The following DNAJC6 variants were observed in gnomAD, a reference collection of about 807,000 sequenced individuals.
The protein encoded by DNAJC6 is DnaJ heat shock protein family (Hsp40) member C6.
DNAJC6 carries 34 observed loss-of-function variants against 110.0 expected under a neutral mutation model. The observed-to-expected ratio is 0.31, with a 90% confidence interval of 0.24 to 0.41. The LOEUF (loss-of-function observed/expected upper bound fraction) is 0.41, where lower values mean the gene tolerates loss of function less well. DNAJC6 is among the 10% of genes least tolerant of loss of function. The pLI is 1.00. For missense variants in DNAJC6, 1,031 were observed against 1,207.8 expected (o/e 0.85, Z 2.17); for synonymous variants, 406 against 437.2 (o/e 0.93, Z 0.89).
chr1:65,378,489 T>C (rs1209437229), intron 4 of DNAJC6, among the ~76,000 whole-genome samples: 1 of 152,218 alleles, frequency 6.6e-6, no homozygotes, highest in African/African-American at 2.4e-5. Context: ...TAGTATCCTG[T>C]GAGTTATGTA....
intron 1 of DNAJC6, among the ~76,000 whole-genome samples, chr1:65,276,381 TG>T (rs1428574238): frequency 6.6e-6 from 1 of 152,228 alleles, no homozygotes; most frequent in East Asian, 1.9e-4. Flanking sequence ...TCCAGTATTG[TG>T]TATGAAGATG....
rs1645081997 is a variant in DNAJC6 at position 65,309,916 on chromosome 1, C to A, written c.171C>A (p.Arg57=). 1 of 1,530,188 alleles carries A rather than the reference C, an allele frequency of 6.5e-7. No homozygotes were observed. Among genetic ancestry groups the A allele is most frequent in the Non-Finnish European group, 8.8e-7 (1 of 1,136,844 alleles). 94.8% of individuals were successfully genotyped at this position (1,530,188 alleles called of 1,614,324 possible). The change falls in exon 1 of 19, where the codon CGC becomes CGA. Residue 57 remains arginine (R), a synonymous_variant. Coordinates refer to ENST00000371069, the MANE Select transcript of DNAJC6 (RefSeq NM_001256864.2). ...GTCCCGCCCGACAGCCTCCGGACCG[C>A]GCCAGCACCATGGACAGCTCAGGTA... is the stretch of plus-strand genomic sequence containing the variant. ...ARSPARQPPD[R]ASTMDSSGAS... is the part of the protein sequence containing the mutation.
Position 65,381,480 on chromosome 1 carries a change from C to T in DNAJC6, c.666+1956C>T, listed in dbSNP as rs771546224. Among the ~76,000 whole-genome samples, 242 of 150,486 alleles carry T rather than the reference C, an allele frequency of 1.6e-3. 1 individual carries two copies. The highest frequency in any genetic ancestry group is 5.4e-3 in the African/African-American group (223 of 40,918). On this transcript the variant is annotated intron_variant, in intron 5 of 18. Coordinates refer to ENST00000371069, the MANE Select transcript of DNAJC6 (RefSeq NM_001256864.2). ...AGGAGAATTGCTTGAACCTGGGAGGCGGAGGTTGCAGTGGGCTGAGATCGT... is the reference window on the plus strand; with the variant it reads ...AGGAGAATTGCTTGAACCTGGGAGGTGGAGGTTGCAGTGGGCTGAGATCGT...
At chr1:65,266,177 T>C (rs945871408) in intron 1 of DNAJC6, among the ~76,000 whole-genome samples, 2 of 152,044 alleles carry the variant, frequency 1.3e-5, no homozygotes, top group Admixed American at 6.5e-5. Flanking sequence ...GGGCTTGGCC[T>C]TCTCCAGTCC....
intron 1 of DNAJC6, among the ~76,000 whole-genome samples, chr1:65,271,469 T>C (rs941486287): frequency 2.0e-4 from 30 of 152,184 alleles, no homozygotes; most frequent in Non-Finnish European, 3.8e-4. Context: ...TTCTGTAAGT[T>C]TGGCTTTTTT....
chr1:65,309,585 G>A lies in DNAJC6; in HGVS notation c.-161G>A, dbSNP rs1645077848. ...GGGCGGCGGCTTCGCCTCGCCCGGC[G>A]AAGCTTCTCTCCGGTGGCCGCTCCT... On this transcript the variant is annotated 5_prime_UTR_variant, in exon 1 of 19. Coordinates refer to ENST00000371069, the MANE Select transcript of DNAJC6 (RefSeq NM_001256864.2). 2 of 1,233,464 alleles carry A rather than the reference G, an allele frequency of 1.6e-6. No individual in the cohort carries two copies. The highest frequency in any genetic ancestry group is 3.7e-5 in the South Asian group (2 of 53,560). 76.4% of individuals were successfully genotyped at this position (1,233,464 alleles called of 1,614,324 possible).
intron 1 of DNAJC6, among the ~76,000 whole-genome samples, chr1:65,358,195 A>C (rs1037634964): frequency 9.2e-5 from 14 of 151,696 alleles, no homozygotes; most frequent in Admixed American, 3.9e-4. Flanking sequence ...AAAAAAAAAA[A>C]AAAAACAAAA....
chr1:65,365,935 G>C lies in DNAJC6; in HGVS notation c.394+1G>C, dbSNP rs745346124. On this transcript the variant is annotated splice_donor_variant, in intron 3 of 18. Coordinates refer to ENST00000371069, the MANE Select transcript of DNAJC6 (RefSeq NM_001256864.2). LOFTEE classifies it high-confidence loss of function. The stretch of plus-strand genomic sequence containing the variant: ...ACTTATGTTACCTCCAGAATTATTG[G>C]TAAGTTTCTCATGTTTATTAACAGT... The C allele has an allele frequency of 6.2e-7, 1 of 1,613,406 alleles. No individual in the cohort carries two copies. The highest frequency in any genetic ancestry group is 8.5e-7 in the Non-Finnish European group (1 of 1,179,672).
rs372128441 is a variant in DNAJC6, at chr1:65,364,618, T to G, written c.194-17T>G. On this transcript the variant is annotated splice_polypyrimidine_tract_variant and intron_variant, in intron 1 of 18. Coordinates refer to ENST00000371069, the MANE Select transcript of DNAJC6 (RefSeq NM_001256864.2). ...CATCACCATTTTTGTTTGTTTGTTTTTTTTTTTTTTTGGCAGGTGCCTCAT... is the reference window on the plus strand; with the variant it reads ...CATCACCATTTTTGTTTGTTTGTTTGTTTTTTTTTTTGGCAGGTGCCTCAT... The G allele has an allele frequency of 5.8e-4, 858 of 1,491,636 alleles. 34 individuals carry two copies. The highest frequency in any genetic ancestry group is 5.4e-3 in the Middle Eastern group (28 of 5,184). 92.4% of individuals were successfully genotyped at this position (1,491,636 alleles called of 1,614,324 possible). A position where few individuals can be genotyped will look rare whatever the true frequency, so the allele number is the denominator to read the frequency against.
At chr1:65,371,445 A>G (rs1258495476) in intron 4 of DNAJC6, among the ~76,000 whole-genome samples, 1 of 152,180 alleles carries the variant, frequency 6.6e-6, no homozygotes, top group Non-Finnish European at 1.5e-5. Context: ...TCTCTTGCTT[A>G]GAGTCATCAT....
intron 1 of DNAJC6, among the ~76,000 whole-genome samples, chr1:65,311,107 A>G (rs533113416): frequency 1.6e-3 from 243 of 151,198 alleles, no homozygotes; most frequent in African/African-American, 5.6e-3. Context: ...AACAAATTCT[A>G]CTCATTGAAG....
At chr1:65,363,935 C>G (rs1645621177) in intron 1 of DNAJC6, among the ~76,000 whole-genome samples, 1 of 152,022 alleles carries the variant, frequency 6.6e-6, no homozygotes, top group African/African-American at 2.4e-5. Flanking sequence ...TACTAAAGCC[C>G]CTTCAGAAGG....
chr1:65,286,079 C>T lies in DNAJC6; in HGVS notation c.-131+21147C>T, dbSNP rs540017917. ...GGAATAATTTAACATATCCCTCTAC[C>T]TCCCTGCCCCAGCAACTTGGAAGGT... On this transcript the variant is annotated intron_variant, in intron 1 of 19. Coordinates refer to the DNAJC6 transcript ENST00000263441. Among the ~76,000 whole-genome samples the T allele has an allele frequency of 1.6e-3, 242 of 152,322 alleles. 1 individual carries two copies. The Middle Eastern group carries it at 0.02, about 13-fold the overall frequency.
At chr1:65,402,007 GCTATC>G in intron 15 of DNAJC6, 127 bp downstream of exon 15, 1 of 1,299,966 alleles carries the variant, frequency 7.7e-7, no homozygotes, top group East Asian at 2.7e-5. Context: ...GTATTCTTAA[GCTATC>G]CTCTGAAACC....
chr1:65,289,005 G>C (rs972147517), intron 1 of DNAJC6, among the ~76,000 whole-genome samples: 1 of 152,096 alleles, frequency 6.6e-6, no homozygotes, highest in Admixed American at 6.5e-5. Flanking sequence ...ATTTCTGTTG[G>C]TTATATACAT....
Position 65,330,911 on chromosome 1 carries a change from T to C in DNAJC6, c.193+20973T>C, listed in dbSNP as rs144189829. Among the ~76,000 whole-genome samples, 818 of 152,348 alleles carry C rather than the reference T, an allele frequency of 5.4e-3. 2 individuals carry two copies. The highest frequency in any genetic ancestry group is 8.3e-3 in the Non-Finnish European group (564 of 68,028). On this transcript the variant is annotated intron_variant, in intron 1 of 18. Transcript: ENST00000371069. ...TTCTTCGTCATCTAAGATGGCCAAC[T>C]AAACATTAGTTTTCCAGCCAATGTG...
chr1:65,366,343 G>C, intron 4 of DNAJC6, 147 bp downstream of exon 4: 1 of 863,872 alleles, frequency 1.2e-6, no homozygotes, highest in African/African-American at 1.7e-5. Context: ...ATATTTATTA[G>C]GCTGCTATGA....
At chr1:65,371,986 T>A (rs1446351886) in intron 4 of DNAJC6, among the ~76,000 whole-genome samples, 2 of 152,188 alleles carry the variant, frequency 1.3e-5, no homozygotes, top group Non-Finnish European at 2.9e-5. Flanking sequence ...GTTTACTTAA[T>A]GGTGTATAAT....
chr1:65,321,840 C>G (rs1557520822), intron 1 of DNAJC6, among the ~76,000 whole-genome samples: 1 of 152,156 alleles, frequency 6.6e-6, no homozygotes. Context: ...ATCTTGGGCA[C>G]CCTGTAGCCA....
Sources: gnomAD v4.1 joint callset for allele counts (sites outside exome capture counted in the v4.1 genomes callset) on GRCh38, gnomAD v4.1.1 for gene constraint, MANE v1.5 for transcripts, NCBI Gene and HGNC (gene_info 2026-07-23, HGNC 2026-07-21) for gene names.